ANKHD1: variants seen among roughly 807,000 people sequenced by gnomAD.
ANKHD1 encodes the protein ankyrin repeat and KH domain containing 1.
In ANKHD1, 31 loss-of-function variants were observed where a neutral mutation model predicts 230.5. The ratio of observed to expected loss-of-function variants is 0.13; its 90% CI spans 0.10 to 0.18. The LOEUF (loss-of-function observed/expected upper bound fraction) is 0.18, where lower values mean the gene tolerates loss of function less well. Among genes scored for constraint, ANKHD1 ranks in the 10% least tolerant of loss-of-function variants. The pLI is 1.00. For missense variants in ANKHD1, 2,256 were observed against 3,071.3 expected (o/e 0.73, Z 6.27); for synonymous variants, 1,074 against 1,117.6 (o/e 0.96, Z 0.78).
intron 20 of ANKHD1, among the ~76,000 whole-genome samples, chr5:140,508,401 A>G (rs1424896821): frequency 2.6e-5 from 4 of 152,196 alleles, no homozygotes; most frequent in Non-Finnish European, 5.9e-5. Context: ...GGCAGCTAAC[A>G]TCTAATTTGA....
At chr5:140,415,284 G>C (rs374098302) in intron 1 of ANKHD1, among the ~76,000 whole-genome samples, 1 of 151,708 alleles carries the variant, frequency 6.6e-6, no homozygotes. Context: ...TCAGGAGGCT[G>C]AGTCAGGAGA....
chr5:140,527,820 TTAA>T lies in ANKHD1; in HGVS notation c.5088-49_5088-47del. ...GAACATACTTACTAAGACATCTTTC[TTAA>T]TAAAGAGACATTTAATTTCATAAGC... On this transcript the variant is annotated intron_variant, in intron 27 of 33. Transcript: ENST00000360839. This position sits in a 1 kb window ranked among gnomAD's most constrained non-coding sequence, Gnocchi z 4.5. 1 of 1,548,382 alleles carries T rather than the reference TTAA, an allele frequency of 6.5e-7. No individual in the cohort carries two copies. Among genetic ancestry groups the T allele is most frequent in the South Asian group, 1.3e-5 (1 of 79,704 alleles).
chr5:140,467,507 G>C (rs1388890880), intron 10 of ANKHD1, among the ~76,000 whole-genome samples: 1 of 152,158 alleles, frequency 6.6e-6, no homozygotes, highest in Admixed American at 6.5e-5. Flanking sequence ...ATGAGCCCAG[G>C]AGTTAAAGGC....
intron 7 of ANKHD1, among the ~76,000 whole-genome samples, chr5:140,450,427 T>G (rs560006447): frequency 9.9e-5 from 15 of 152,002 alleles, no homozygotes; most frequent in African/African-American, 3.6e-4. Context: ...CCAAGTAGGT[T>G]CAAGTGATTC....
Position 140,507,105 on chromosome 5 carries a change from A to T in ANKHD1, c.3551+128A>T. On this transcript the variant is annotated intron_variant, in intron 19 of 33. Transcript: ENST00000360839. The surrounding 1 kb of genome is among the most constrained non-coding windows in gnomAD (Gnocchi z 4.1). ...TACTAAAGTTGCAAAGCCAACGATT[A>T]TACCTATAATGTGTTTGTTTATAAG... 7.5e-7 allele frequency: 1 copy of T among 1,329,848 alleles called. No individual in the cohort carries two copies. The highest frequency in any genetic ancestry group is 1.0e-6 in the Non-Finnish European group (1 of 987,480). 82.4% of individuals were successfully genotyped at this position (1,329,848 alleles called of 1,614,324 possible).
rs113564152 is a variant in ANKHD1 at position 140,533,097 on chromosome 5, C to CA, written c.6851-2252dup. On this transcript the variant is annotated intron_variant, in intron 29 of 33. Coordinates refer to ENST00000360839, the MANE Select transcript of ANKHD1 (RefSeq NM_017747.3). ...GGGTAATAGAGCAAGACTCTGTCTC[C>CA]AAAAAAAAAAAAAGCTATCATGATC... Among the ~76,000 whole-genome samples the CA allele has an allele frequency of 5.5e-3, 689 of 125,404 alleles. 3 individuals are homozygous for CA. The highest frequency in any genetic ancestry group is 7.5e-3 in the Non-Finnish European group (433 of 58,106). 82.3% of individuals were successfully genotyped at this position (125,404 alleles called of 152,430 possible). A position where few individuals can be genotyped will look rare whatever the true frequency, so the allele number is the denominator to read the frequency against.
chr5:140,434,479 C>CGTATATAT (rs1363770646), intron 1 of ANKHD1, among the ~76,000 whole-genome samples: 2 of 149,356 alleles, frequency 1.3e-5, no homozygotes, highest in Non-Finnish European at 3.0e-5. Context: ...TATGTATATA[C>CGTATATAT]GTATATATGT....
At chr5:140,429,279 A>C (rs887855617) in intron 1 of ANKHD1, among the ~76,000 whole-genome samples, 1 of 151,276 alleles carries the variant, frequency 6.6e-6, no homozygotes, top group Non-Finnish European at 1.5e-5. Context: ...TTTTTAGTAA[A>C]GACGGGGTTT....
chr5:140,485,506 T>G lies in ANKHD1; in HGVS notation c.1999-83T>G. The G allele has an allele frequency of 6.4e-7, 1 of 1,563,386 alleles. No individual in the cohort carries two copies. The highest frequency in any genetic ancestry group is 8.6e-7 in the Non-Finnish European group (1 of 1,156,254). Reference sequence around the variant, plus strand: ...TTGATCTATCTTAGTGCTTAGTATTTAATACTGTTTAAATGAGTTTTGATT... The same window carrying G: ...TTGATCTATCTTAGTGCTTAGTATTGAATACTGTTTAAATGAGTTTTGATT... On this transcript the variant is annotated intron_variant, in intron 12 of 33. Coordinates refer to ENST00000360839, the MANE Select transcript of ANKHD1 (RefSeq NM_017747.3). This position sits in a 1 kb window ranked among gnomAD's most constrained non-coding sequence, Gnocchi z 4.8.
At chr5:140,422,409 G>A (rs1027694431) in intron 1 of ANKHD1, among the ~76,000 whole-genome samples, 1 of 152,096 alleles carries the variant, frequency 6.6e-6, no homozygotes, top group African/African-American at 2.4e-5. Context: ...ACAGGCATCA[G>A]CCACCACACC....
At position 140,506,819 on chromosome 5, in the gene ANKHD1, A is replaced by G; in HGVS notation, c.3409-16A>G. 6.2e-7 allele frequency: 1 copy of G among 1,613,766 alleles called. No homozygotes were observed. The highest frequency in any genetic ancestry group is 8.5e-7 in the Non-Finnish European group (1 of 1,179,928). On this transcript the variant is annotated splice_polypyrimidine_tract_variant and intron_variant, in intron 18 of 33. Coordinates refer to ENST00000360839, the MANE Select transcript of ANKHD1 (RefSeq NM_017747.3). This position sits in a 1 kb window ranked among gnomAD's most constrained non-coding sequence, Gnocchi z 4.7. ...TTGGTGTAAACTCTCTTCTCTATCCATATTTTACTTTGTAGGTGGTAGACT... is the reference window on the plus strand; with the variant it reads ...TTGGTGTAAACTCTCTTCTCTATCCGTATTTTACTTTGTAGGTGGTAGACT...
rs756116894 is a variant in ANKHD1 at position 140,507,771 on chromosome 5, A to G, written c.3552-14A>G. ...CATATTATTTTAATTTTCTAAGCAC[A>G]TTTCCCCCTTTAGGACTGGGAGTAA... On this transcript the variant is annotated splice_polypyrimidine_tract_variant and intron_variant, in intron 19 of 33. Coordinates refer to ENST00000360839, the MANE Select transcript of ANKHD1 (RefSeq NM_017747.3). The surrounding 1 kb of genome is among the most constrained non-coding windows in gnomAD (Gnocchi z 4.1). 3.7e-6 allele frequency: 6 copies of G among 1,611,026 alleles called. 1 individual carries two copies. In the South Asian group the frequency reaches 5.5e-5, roughly 15 times the overall value.
Position 140,527,937 on chromosome 5 carries a change from A to G in ANKHD1, c.5152A>G (p.Ile1718Val). The change falls in exon 28 of 34, where the codon ATC becomes GTC. Residue 1718 changes from isoleucine to valine, a missense_variant. This residue lies in a region of ANKHD1 where 23 missense variants were observed against 59.9 expected (regional missense o/e 0.38). Coordinates refer to ENST00000360839, the MANE Select transcript of ANKHD1 (RefSeq NM_017747.3). The surrounding 1 kb of genome is among the most constrained non-coding windows in gnomAD (Gnocchi z 4.5). The part of the protein sequence containing the change: ...SRIMGRGGCN[I>V]TAIQDVTGAH... ...GATAATGGGAAGAGGAGGATGCAAC[A>G]TCACTGCAATACAGGATGTTACTGG... is the stretch of plus-strand genomic sequence containing the variant. The G allele has an allele frequency of 6.2e-7, 1 of 1,614,024 alleles. No homozygotes were observed. Among genetic ancestry groups the G allele is most frequent in the Middle Eastern group, 1.7e-4 (1 of 6,060 alleles).
At chr5:140,455,636 C>T (rs2126956812) in intron 7 of ANKHD1, among the ~76,000 whole-genome samples, 1 of 152,274 alleles carries the variant, frequency 6.6e-6, no homozygotes, top group African/African-American at 2.4e-5. Context: ...TCAATAGATG[C>T]AGAAAAGTCC....
intron 20 of ANKHD1, 115 bp downstream of exon 20, chr5:140,508,113 A>T: frequency 7.5e-7 from 1 of 1,338,210 alleles, no homozygotes; most frequent in African/African-American, 1.5e-5. Context: ...ACTGATACCA[A>T]TGCAGAGTTG....
At position 140,511,026 on chromosome 5, in the gene ANKHD1, A is replaced by G. The variant is rs143935500; in HGVS notation, c.4104+845A>G. Among the ~76,000 whole-genome samples the G allele has an allele frequency of 5.9e-4, 89 of 152,038 alleles. 1 individual carries two copies. Among genetic ancestry groups the G allele is most frequent in the Middle Eastern group, 6.8e-3 (2 of 294 alleles). The stretch of plus-strand genomic sequence containing the variant: ...CTTTTTGTAGAGACGAGGTCTTGCT[A>G]TGTTGCCCAGGCTGGTCTCAAACTC... On this transcript the variant is annotated intron_variant, in intron 22 of 33. Transcript: ENST00000360839.
chr5:140,527,921 A>G lies in ANKHD1; in HGVS notation c.5136A>G (p.Gly1712=). The G allele has an allele frequency of 6.2e-7, 1 of 1,613,950 alleles. No homozygotes were observed. Among genetic ancestry groups the G allele is most frequent in the Non-Finnish European group, 8.5e-7 (1 of 1,179,902 alleles). ...VPASVVSRIM[G]RGGCNITAIQ... ...CCTCAGTGGTGTCGAGGATAATGGG[A>G]AGAGGAGGATGCAACATCACTGCAA... The change falls in exon 28 of 34, where the codon GGA becomes GGG. Residue 1712 remains glycine (G), a synonymous_variant. Coordinates refer to ENST00000360839, the MANE Select transcript of ANKHD1 (RefSeq NM_017747.3). This position sits in a 1 kb window ranked among gnomAD's most constrained non-coding sequence, Gnocchi z 4.5.
chr5:140,483,333 G>A (rs1005686050), intron 11 of ANKHD1, among the ~76,000 whole-genome samples: 7 of 151,718 alleles, frequency 4.6e-5, no homozygotes, highest in Admixed American at 1.3e-4. Flanking sequence ...AGGATAGGAT[G>A]GTCAAAATAC....
At chr5:140,499,403 C>T (rs1337311024) in intron 15 of ANKHD1, among the ~76,000 whole-genome samples, 1 of 152,000 alleles carries the variant, frequency 6.6e-6, no homozygotes, top group Non-Finnish European at 1.5e-5. Context: ...GTTCTTACCA[C>T]TCATATTAGT....
Sources: allele counts gnomAD v4.1 joint callset (sites outside exome capture counted in the v4.1 genomes callset), GRCh38; gene constraint gnomAD v4.1.1; regional missense constraint gnomAD v4.1.1; non-coding constraint Gnocchi (gnomAD v3.1); transcripts MANE v1.5; gene names NCBI Gene and HGNC (gene_info 2026-07-23, HGNC 2026-07-21).